Variants in ATP8A2 observed in about 807,000 individuals in gnomAD.
ATP8A2 encodes the protein phospholipid-transporting ATPase IB.
A neutral mutation model predicts 165.6 loss-of-function variants in ATP8A2; 100 were observed. The ratio of observed to expected loss-of-function variants is 0.60; its 90% confidence interval spans 0.51 to 0.71. The LOEUF is 0.71. Among genes scored for constraint, ATP8A2 ranks in the 30% least tolerant of loss-of-function variants. The probability of loss-of-function intolerance (pLI) is 0.00; values close to 1 mark genes in which losing one functional copy is unlikely to be tolerated. For missense variants in ATP8A2, 1,227 were observed against 1,479.5 expected (o/e 0.83, Z 2.80); for synonymous variants, 543 against 548.8 (o/e 0.99, Z 0.15).
intron 24 of ATP8A2, among the ~76,000 whole-genome samples, chr13:25,683,149 G>A (rs1429582349): frequency 6.6e-6 from 1 of 151,734 alleles, no homozygotes; most frequent in Non-Finnish European, 1.5e-5. Flanking sequence ...GGTTATTTTA[G>A]TAATGGTGTA....
At chr13:25,553,636 A>G (rs2038889965) in intron 11 of ATP8A2, among the ~76,000 whole-genome samples, 157 bp from the exon 12 acceptor site, 1 of 152,172 alleles carries the variant, frequency 6.6e-6, no homozygotes, top group African/African-American at 2.4e-5. Context: ...GTGCAGTCGC[A>G]TTGTGGGGCC....
chr13:25,505,132 C>T (rs1321461360), intron 2 of ATP8A2, among the ~76,000 whole-genome samples: 1 of 147,960 alleles, frequency 6.8e-6, no homozygotes, highest in African/African-American at 2.5e-5. Context: ...TGCTTTGACT[C>T]CAGTCTCAAG....
At chr13:25,556,237 G>T (rs568849654) in intron 13 of ATP8A2, among the ~76,000 whole-genome samples, 1 of 152,292 alleles carries the variant, frequency 6.6e-6, no homozygotes, top group South Asian at 2.1e-4. Context: ...ACCAATAGTG[G>T]ATAAGTGTTC....
chr13:25,532,404 G>A, intron 5 of ATP8A2, 87 bp downstream of exon 5: 5 of 838,246 alleles, frequency 6.0e-6, no homozygotes, highest in Non-Finnish European at 9.6e-6. Flanking sequence ...GTAGTGAATG[G>A]TATTGAGATA....
chr13:25,592,644 G>T (rs1397275303), intron 24 of ATP8A2, among the ~76,000 whole-genome samples: 1 of 152,102 alleles, frequency 6.6e-6, no homozygotes, highest in Non-Finnish European at 1.5e-5. Context: ...TGATTTTCTG[G>T]TTCAAAGGTA....
At chr13:25,823,881 G>A (rs1009125065) in intron 27 of ATP8A2, among the ~76,000 whole-genome samples, 6 of 151,870 alleles carry the variant, frequency 4.0e-5, no homozygotes, top group African/African-American at 1.2e-4. Flanking sequence ...ATCTTTTTGG[G>A]AATTTTTTGC....
chr13:25,650,269 T>A lies in ATP8A2; in HGVS notation c.2212-48904T>A, dbSNP rs1166306599. Reference sequence around the variant, plus strand: ...TTGGGGAGTTTTCACCAAGGCGTTCTTGTCTGTGGATAGTTGCTAGTTGAA... The same window carrying A: ...TTGGGGAGTTTTCACCAAGGCGTTCATGTCTGTGGATAGTTGCTAGTTGAA... On this transcript the variant is annotated intron_variant, in intron 24 of 36. Coordinates refer to ENST00000381655, the MANE Select transcript of ATP8A2 (RefSeq NM_016529.6). Among the ~76,000 whole-genome samples the A allele has an allele frequency of 2.0e-5, 3 of 152,164 alleles. No homozygotes were observed. The East Asian group carries it at 5.8e-4, about 29-fold the overall frequency.
Position 25,372,709 on chromosome 13 carries a change from T to G in ATP8A2, c.76+421T>G, listed in dbSNP as rs113711428. Among the ~76,000 whole-genome samples, 15,577 of 152,194 alleles carry G rather than the reference T, an allele frequency of 0.1. 1,675 individuals are homozygous for G. The highest frequency in any genetic ancestry group is 0.27 in the African/African-American group (11,238 of 41,508). On this transcript the variant is annotated intron_variant, in intron 1 of 36. Transcript: ENST00000381655. This position sits in a 1 kb window ranked among gnomAD's most constrained non-coding sequence, Gnocchi z 4.8. Reference sequence around the variant, plus strand: ...CTTCCCTGCCGGCGGCCGGCACCGCTGTGCTGCAGAGCTCAAAAGCAGAGG... The same window carrying G: ...CTTCCCTGCCGGCGGCCGGCACCGCGGTGCTGCAGAGCTCAAAAGCAGAGG...
intron 1 of ATP8A2, among the ~76,000 whole-genome samples, chr13:25,410,076 C>A (rs2033923227): frequency 6.6e-6 from 1 of 151,362 alleles, no homozygotes; most frequent in Non-Finnish European, 1.5e-5. Context: ...GAATACATCA[C>A]ATACAACGTG....
At position 25,899,302 on chromosome 13, in the gene ATP8A2, G is replaced by A. The variant is rs962189234; in HGVS notation, c.3183+36894G>A. The stretch of plus-strand genomic sequence containing the variant: ...CCTGCCAGTATGCCCTGGCAATTCT[G>A]TGTTACAGGTGCTGTCCTTTCTGCT... On this transcript the variant is annotated intron_variant, in intron 33 of 36. Coordinates refer to ENST00000381655, the MANE Select transcript of ATP8A2 (RefSeq NM_016529.6). Among the ~76,000 whole-genome samples the A allele has an allele frequency of 3.9e-5, 6 of 152,214 alleles. No individual in the cohort carries two copies. In the East Asian group the frequency reaches 9.6e-4, roughly 24 times the overall value.
At chr13:25,429,853 C>G (rs1023914500) in intron 1 of ATP8A2, among the ~76,000 whole-genome samples, 1 of 152,082 alleles carries the variant, frequency 6.6e-6, no homozygotes, top group African/African-American at 2.4e-5. Context: ...ACATTGGTGA[C>G]AGGGAGGTGG....
chr13:25,918,868 T>C (rs1381798145), intron 33 of ATP8A2, among the ~76,000 whole-genome samples: 1 of 152,216 alleles, frequency 6.6e-6, no homozygotes, highest in East Asian at 1.9e-4. Context: ...ACTTATTGTG[T>C]ATTCCTCATA....
At chr13:25,912,983 T>C (rs753755950) in intron 33 of ATP8A2, among the ~76,000 whole-genome samples, 13 of 152,222 alleles carry the variant, frequency 8.5e-5, no homozygotes, top group Non-Finnish European at 1.8e-4. Context: ...TTGTCACCTG[T>C]GTGACTTTTA....
chr13:25,759,869 A>G (rs1054379844), intron 25 of ATP8A2, among the ~76,000 whole-genome samples: 8 of 152,160 alleles, frequency 5.3e-5, no homozygotes, highest in Admixed American at 2.6e-4. Flanking sequence ...TACATTCCAC[A>G]TCATTTAGTA....
intron 33 of ATP8A2, among the ~76,000 whole-genome samples, chr13:25,950,401 C>G (rs1388714689): frequency 6.6e-6 from 1 of 152,156 alleles, no homozygotes; most frequent in Non-Finnish European, 1.5e-5. Flanking sequence ...AAAATGATCA[C>G]TACCTGAAAA....
At chr13:25,632,438 G>A (rs2041264544) in intron 24 of ATP8A2, among the ~76,000 whole-genome samples, 4 of 152,140 alleles carry the variant, frequency 2.6e-5, no homozygotes, top group Admixed American at 2.6e-4. Flanking sequence ...GGGTGACCTA[G>A]GGGTCACTGG....
At chr13:25,419,561 G>A (rs2034238295) in intron 1 of ATP8A2, among the ~76,000 whole-genome samples, 1 of 152,164 alleles carries the variant, frequency 6.6e-6, no homozygotes, top group Non-Finnish European at 1.5e-5. Flanking sequence ...TACTCACTGG[G>A]CAGCTGGAGT....
rs561055103 is a variant in ATP8A2 at position 25,393,942 on chromosome 13, C to T, written c.76+21654C>T. Among the ~76,000 whole-genome samples, 38 of 152,242 alleles carry T rather than the reference C, an allele frequency of 2.5e-4. 1 individual carries two copies. Among genetic ancestry groups the T allele is most frequent in the Non-Finnish European group, 4.4e-4 (30 of 68,016 alleles). On this transcript the variant is annotated intron_variant, in intron 1 of 36. Coordinates refer to ENST00000381655, the MANE Select transcript of ATP8A2 (RefSeq NM_016529.6). Reference sequence around the variant, plus strand: ...ATGGGATCTTGGGAAAACTATGAAACTTATCCAAGACTCAGTGTAGTAACC... The same window carrying T: ...ATGGGATCTTGGGAAAACTATGAAATTTATCCAAGACTCAGTGTAGTAACC...
At chr13:25,968,527 T>A in intron 34 of ATP8A2, 48 bp from the exon 35 acceptor site, 1 of 1,536,324 alleles carries the variant, frequency 6.5e-7, no homozygotes, top group Non-Finnish European at 8.9e-7. Context: ...TTCCCAGCTG[T>A]GTCAAGTCTC....
Sources: gnomAD v4.1 joint callset for allele counts (sites outside exome capture counted in the v4.1 genomes callset) on GRCh38, gnomAD v4.1.1 for gene constraint, Gnocchi (gnomAD v3.1) non-coding constraint, MANE v1.5 for transcripts, NCBI Gene and HGNC (gene_info 2026-07-23, HGNC 2026-07-21) for gene names.